The following BIRC6 variants were observed in gnomAD, a reference collection of about 807,000 sequenced individuals.
BIRC6 encodes dual E2 ubiquitin-conjugating enzyme/E3 ubiquitin-protein ligase BIRC6.
Under a neutral mutation model 503.3 loss-of-function variants are expected in BIRC6, and 98 were observed. That is an observed-to-expected ratio of 0.19 (90% CI 0.17 to 0.23). BIRC6 has a LOEUF of 0.23. Among genes scored for constraint, BIRC6 ranks in the 10% least tolerant of loss-of-function variants. The pLI is 1.00. For missense variants in BIRC6, 5,360 were observed against 5,806.0 expected, an observed-to-expected ratio of 0.92 and a Z score of 2.50; for synonymous variants, 2,240 against 2,078.7, an observed-to-expected ratio of 1.08 and a Z score of -2.11.
At chr2:32,536,661 C>T (rs1220446894) in intron 61 of BIRC6, among the ~76,000 whole-genome samples, 1 of 152,070 alleles carries the variant, frequency 6.6e-6, no homozygotes, top group African/African-American at 2.4e-5. Flanking sequence ...TTCCATTGGT[C>T]TGTATGTCTG....
At chr2:32,472,243 A>AT (rs1558824419) in intron 32 of BIRC6, among the ~76,000 whole-genome samples, 1 of 152,040 alleles carries the variant, frequency 6.6e-6, no homozygotes. Flanking sequence ...ATTGTTTTGT[A>AT]TTTTTAGTAG....
chr2:32,609,435 C>G (rs530010180), intron 72 of BIRC6, among the ~76,000 whole-genome samples: 1 of 152,122 alleles, frequency 6.6e-6, no homozygotes, highest in South Asian at 2.1e-4. Context: ...AAACATTTTT[C>G]TTTCTTAAAA....
rs1282740408 is a variant in BIRC6 at position 32,464,839 on chromosome 2, A to C, written c.5256+16A>C. ...GTCCAGAATGGTAAATTATGTTTTA[A>C]ATAGGTGTTGGCTTAGACATTTAAA... is the stretch of plus-strand genomic sequence containing the variant. On this transcript the variant is annotated intron_variant, in intron 25 of 73. Coordinates refer to ENST00000421745, the MANE Select transcript of BIRC6 (RefSeq NM_016252.4). 1 of 1,588,228 alleles carries C rather than the reference A, an allele frequency of 6.3e-7. No homozygotes were observed. Among genetic ancestry groups the C allele is most frequent in the Non-Finnish European group, 8.6e-7 (1 of 1,166,236 alleles).
chr2:32,364,804 A>T (rs1412870030), intron 1 of BIRC6, among the ~76,000 whole-genome samples: 1 of 151,088 alleles, frequency 6.6e-6, no homozygotes, highest in African/African-American at 2.4e-5. Context: ...TCTTGATCAA[A>T]CTTCAGGCCC....
At chr2:32,608,976 T>G (rs1229645948) in intron 72 of BIRC6, among the ~76,000 whole-genome samples, 2 of 151,966 alleles carry the variant, frequency 1.3e-5, no homozygotes, top group African/African-American at 4.8e-5. Context: ...GCCTCCCCGG[T>G]TCAAGTGATT....
At chr2:32,504,145 C>T (rs1353677921) in intron 49 of BIRC6, among the ~76,000 whole-genome samples, 2 of 149,750 alleles carry the variant, frequency 1.3e-5, no homozygotes, top group Admixed American at 1.3e-4. Flanking sequence ...AGTGATCCCC[C>T]ACCTTGGCCT....
chr2:32,553,030 AAC>A (rs1430765420), intron 65 of BIRC6, among the ~76,000 whole-genome samples: 5 of 146,604 alleles, frequency 3.4e-5, no homozygotes, highest in Non-Finnish European at 7.4e-5. Context: ...AAAAAAAAAA[AAC>A]AAACAAAAAA....
At chr2:32,390,641 A>G (rs2039107424) in intron 4 of BIRC6, among the ~76,000 whole-genome samples, 2 of 152,146 alleles carry the variant, frequency 1.3e-5, no homozygotes, top group Non-Finnish European at 2.9e-5. Flanking sequence ...TTACATTTTC[A>G]TTGGATGTGA....
chr2:32,533,417 G>A (rs552934882), intron 61 of BIRC6, among the ~76,000 whole-genome samples: 8 of 152,266 alleles, frequency 5.3e-5, no homozygotes, highest in African/African-American at 1.9e-4. Context: ...AATGTGCGAG[G>A]AAAGATATAA....
intron 61 of BIRC6, among the ~76,000 whole-genome samples, chr2:32,540,223 T>C (rs1191879256): frequency 1.3e-5 from 2 of 152,092 alleles, no homozygotes; most frequent in African/African-American, 4.8e-5. Context: ...CAATTTAAAC[T>C]GAAACTCATT....
At chr2:32,463,099 A>T in intron 23 of BIRC6, 95 bp from the exon 24 acceptor site, 4 of 1,043,246 alleles carry the variant, frequency 3.8e-6, no homozygotes, top group Non-Finnish European at 5.4e-6. Context: ...TTTTAGCATC[A>T]TAATAGTGCC....
chr2:32,449,965 T>C (rs545452157), intron 22 of BIRC6, among the ~76,000 whole-genome samples: 1 of 152,330 alleles, frequency 6.6e-6, no homozygotes, highest in East Asian at 1.9e-4. Context: ...TTTTCTGTCT[T>C]CTCTATCCAA....
At chr2:32,407,959 CTTTG>C (rs1339268975) in intron 9 of BIRC6, among the ~76,000 whole-genome samples, 3 of 151,252 alleles carry the variant, frequency 2.0e-5, no homozygotes, top group Non-Finnish European at 4.4e-5. Context: ...CATTTTCTTT[CTTTG>C]TTTCTTTCTT....
At position 32,380,192 on chromosome 2, in the gene BIRC6, A is replaced by G. The variant is rs774105040; in HGVS notation, c.547A>G (p.Ile183Val). 1 of 1,588,582 alleles carries G rather than the reference A, an allele frequency of 6.3e-7. No individual in the cohort carries two copies. Among genetic ancestry groups the G allele is most frequent in the Non-Finnish European group, 8.5e-7 (1 of 1,169,652 alleles). The change falls in exon 3 of 74, where the codon ATT becomes GTT. Residue 183 changes from isoleucine (I) to valine (V), a missense_variant. By Grantham distance (29) the Ile-to-Val change is conservative (BLOSUM62 3). Coordinates refer to ENST00000421745, the MANE Select transcript of BIRC6 (RefSeq NM_016252.4). ...LLSACLEKVDISSTEGYDLFI... is the reference protein window; with the variant it reads ...LLSACLEKVDVSSTEGYDLFI... ...ATCAGCATGTTTAGAAAAGGTAGAT[A>G]TTTCTAGTACAGAGGGTTATGATTT...
intron 73 of BIRC6, among the ~76,000 whole-genome samples, chr2:32,616,165 GT>G (rs1416891829): frequency 6.6e-6 from 1 of 151,878 alleles, no homozygotes; most frequent in Admixed American, 6.6e-5. Flanking sequence ...GCAGTTCTTT[GT>G]TCTTCTATGA....
intron 4 of BIRC6, among the ~76,000 whole-genome samples, chr2:32,389,824 G>A (rs960293310): frequency 6.6e-6 from 1 of 151,516 alleles, no homozygotes; most frequent in Non-Finnish European, 1.5e-5. Flanking sequence ...AGCCTCCTGA[G>A]TAGCTGGAAT....
At chr2:32,383,505 A>C (rs1230891602) in intron 3 of BIRC6, among the ~76,000 whole-genome samples, 1 of 152,034 alleles carries the variant, frequency 6.6e-6, no homozygotes, top group African/African-American at 2.4e-5. Flanking sequence ...TTCATTCTTG[A>C]AGAATCTGAA....
chr2:32,513,206 T>C, intron 54 of BIRC6, 52 bp downstream of exon 54: 1 of 1,373,074 alleles, frequency 7.3e-7, no homozygotes, highest in Non-Finnish European at 1.0e-6. Context: ...GATCAGTTAG[T>C]GTTCACTTGA....
chr2:32,476,685 A>G (rs138660733), intron 34 of BIRC6, among the ~76,000 whole-genome samples: 1 of 152,304 alleles, frequency 6.6e-6, no homozygotes, highest in East Asian at 1.9e-4. Context: ...TTATTGTATC[A>G]GCCTCACAAA....
Sources: allele counts gnomAD v4.1 joint callset (sites outside exome capture counted in the v4.1 genomes callset), GRCh38; gene constraint gnomAD v4.1.1; transcripts MANE v1.5; gene names NCBI Gene and HGNC (gene_info 2026-07-23, HGNC 2026-07-21).